RASGRF2: variants seen among roughly 807,000 people sequenced by gnomAD.
RASGRF2 encodes the protein ras-specific guanine nucleotide-releasing factor 2.
RASGRF2 carries 76 observed loss-of-function variants against 151.0 expected under a neutral mutation model. The observed-to-expected ratio is 0.50, with a 90% CI of 0.42 to 0.61. The LOEUF (loss-of-function observed/expected upper bound fraction) is 0.61. RASGRF2 is among the 20% of genes least tolerant of loss of function. The pLI is 0.00. For synonymous variants in RASGRF2, 504 were observed against 566.5 expected, an observed-to-expected ratio of 0.89 and a Z score of 1.57; for missense variants, 1,148 against 1,564.6, an observed-to-expected ratio of 0.73 and a Z score of 4.49.
intron 12 of RASGRF2, among the ~76,000 whole-genome samples, chr5:81,097,132 T>C (rs1005397699): frequency 1.3e-5 from 2 of 152,142 alleles, no homozygotes; most frequent in South Asian, 4.1e-4. Context: ...CAGCTAATTT[T>C]GTATTTTTAG....
chr5:81,111,587 A>G (rs1752994780), intron 13 of RASGRF2, among the ~76,000 whole-genome samples: 1 of 152,366 alleles, frequency 6.6e-6, no homozygotes, highest in African/African-American at 2.4e-5. Flanking sequence ...TTCAGAAGAT[A>G]GATATCCTTA....
chr5:81,110,416 A>G (rs1367237233), intron 13 of RASGRF2, among the ~76,000 whole-genome samples: 1 of 152,224 alleles, frequency 6.6e-6, no homozygotes, highest in African/African-American at 2.4e-5. Flanking sequence ...ATTTCATAAT[A>G]TTTAATTTCT....
At chr5:80,976,381 C>T (rs75034519) in intron 1 of RASGRF2, among the ~76,000 whole-genome samples, 2,500 of 152,230 alleles carry the variant, frequency 0.016, 85 homozygotes, top group African/African-American at 0.057. Context: ...CAAACCTTTA[C>T]GAAATGGCAA....
At chr5:81,025,345 A>T (rs949491963) in intron 1 of RASGRF2, among the ~76,000 whole-genome samples, 1 of 152,186 alleles carries the variant, frequency 6.6e-6, no homozygotes, top group African/African-American at 2.4e-5. Flanking sequence ...CAGGCCAGAC[A>T]TCAACTTCGG....
intron 2 of RASGRF2, among the ~76,000 whole-genome samples, chr5:81,045,497 A>G (rs1308090846): frequency 6.6e-6 from 1 of 152,236 alleles, no homozygotes; most frequent in Non-Finnish European, 1.5e-5. Context: ...AAACCAGGGC[A>G]TGTGTGATGT....
Position 81,058,746 on chromosome 5 carries a change from A to T in RASGRF2, c.396-9286A>T, listed in dbSNP as rs12658812. ...TGAGCCTGAGAGGCCGCTGTACTCC[A>T]GCCTGGGCAACAGAGCAAGGCCCTG... On this transcript the variant is annotated intron_variant, in intron 2 of 26. Coordinates refer to ENST00000265080, the MANE Select transcript of RASGRF2 (RefSeq NM_006909.3). Among the ~76,000 whole-genome samples the T allele has an allele frequency of 9.4e-4, 129 of 137,226 alleles. 3 individuals are homozygous for T. The East Asian group carries it at 0.026, about 27-fold the overall frequency. The allele number at this position is 137,226 out of a possible 152,430, so 90.0% of individuals were successfully genotyped here.
chr5:81,086,740 T>C lies in RASGRF2; in HGVS notation c.1272-95T>C, dbSNP rs1339620702. ...ACCCCCGGTTCAATCGATACAAGCT[T>C]GCAACCGAGCTTCTCAGATGGAGCT... On this transcript the variant is annotated intron_variant, in intron 8 of 26. Coordinates refer to ENST00000265080, the MANE Select transcript of RASGRF2 (RefSeq NM_006909.3). The C allele has an allele frequency of 3.8e-5, 38 of 1,007,148 alleles. No individual in the cohort carries two copies. The Admixed American group carries it at 6.9e-4, about 18-fold the overall frequency. The allele number at this position is 1,007,148 out of a possible 1,614,324, so 62.4% of individuals were successfully genotyped here.
chr5:81,085,157 T>C (rs1752193698), intron 7 of RASGRF2, among the ~76,000 whole-genome samples: 1 of 152,226 alleles, frequency 6.6e-6, no homozygotes, highest in Non-Finnish European at 1.5e-5. Context: ...AATAAATAAG[T>C]TGTGTCACTA....
chr5:81,073,968 A>AT (rs1372727088), intron 5 of RASGRF2, among the ~76,000 whole-genome samples: 1 of 151,846 alleles, frequency 6.6e-6, no homozygotes, highest in Non-Finnish European at 1.5e-5. Flanking sequence ...AATGTTCTTA[A>AT]TTTTTTCTTC....
intron 1 of RASGRF2, among the ~76,000 whole-genome samples, chr5:80,973,254 G>T (rs1747998110): frequency 6.6e-6 from 1 of 152,196 alleles, no homozygotes; most frequent in African/African-American, 2.4e-5. Context: ...TGTGCTTACA[G>T]TAGGTTGCGG....
chr5:80,990,125 G>A (rs1208080896), intron 1 of RASGRF2, among the ~76,000 whole-genome samples: 2 of 152,122 alleles, frequency 1.3e-5, no homozygotes, highest in Admixed American at 1.3e-4. Context: ...GAGAAAGTAG[G>A]GTCATTTTCT....
chr5:81,183,421 C>A, intron 18 of RASGRF2: 1 of 556,672 alleles, frequency 1.8e-6, no homozygotes, highest in Non-Finnish European at 2.3e-6. Flanking sequence ...AATAAGAATG[C>A]CCCAGGATGT....
Position 80,962,132 on chromosome 5 carries a change from T to G in RASGRF2, c.288+1106T>G, listed in dbSNP as rs191104909. Among the ~76,000 whole-genome samples the G allele has an allele frequency of 2.6e-5, 4 of 152,302 alleles. No individual in the cohort carries two copies. The East Asian group carries it at 7.7e-4, about 29-fold the overall frequency. ...GGGGCTCATAAAACAATGTGTAAAA[T>G]TAAGAGGAGTTAAAACTAGACCGAC... On this transcript the variant is annotated intron_variant, in intron 1 of 26. Transcript: ENST00000265080.
chr5:81,198,085 C>T (rs764389535), intron 18 of RASGRF2, among the ~76,000 whole-genome samples: 3 of 152,028 alleles, frequency 2.0e-5, no homozygotes, highest in Non-Finnish European at 2.9e-5. Flanking sequence ...CTCTCTCTCT[C>T]TCTCCCCAGA....
intron 17 of RASGRF2, among the ~76,000 whole-genome samples, chr5:81,140,838 A>G (rs1753868023): frequency 6.6e-6 from 1 of 152,084 alleles, no homozygotes; most frequent in African/African-American, 2.4e-5. Context: ...GCTTGATTAC[A>G]TTACTGTTTC....
chr5:81,109,965 AT>A (rs1235987772), intron 13 of RASGRF2, among the ~76,000 whole-genome samples: 3 of 152,190 alleles, frequency 2.0e-5, no homozygotes. Flanking sequence ...GTGAAGTTTT[AT>A]GTATATACTA....
intron 12 of RASGRF2, among the ~76,000 whole-genome samples, chr5:81,106,003 A>G (rs1365909500): frequency 6.6e-6 from 1 of 152,232 alleles, no homozygotes; most frequent in Non-Finnish European, 1.5e-5. Context: ...TGATAAATGC[A>G]GATGTAAGAC....
At chr5:80,976,077 CA>C (rs1748104704) in intron 1 of RASGRF2, among the ~76,000 whole-genome samples, 1 of 152,192 alleles carries the variant, frequency 6.6e-6, no homozygotes, top group African/African-American at 2.4e-5. Context: ...CTCCTGACCT[CA>C]GGTGATCCAC....
At chr5:81,104,842 G>A (rs1752800975) in intron 12 of RASGRF2, among the ~76,000 whole-genome samples, 1 of 152,158 alleles carries the variant, frequency 6.6e-6, no homozygotes, top group Non-Finnish European at 1.5e-5. Flanking sequence ...TGCTTCTTAT[G>A]TTGGGAACAG....
Sources: allele counts gnomAD v4.1 joint callset (sites outside exome capture counted in the v4.1 genomes callset), GRCh38; gene constraint gnomAD v4.1.1; transcripts MANE v1.5; gene names NCBI Gene and HGNC (gene_info 2026-07-23, HGNC 2026-07-21).